Variants in TENM4 observed in about 807,000 individuals in gnomAD.
TENM4 encodes teneurin-4.
In TENM4, 82 loss-of-function variants were observed where a neutral mutation model predicts 243.3. That is an observed-to-expected ratio of 0.34 (90% CI 0.28 to 0.40). The LOEUF is 0.40. Among genes scored for constraint, TENM4 ranks in the 10% least tolerant of loss-of-function variants. The pLI, the probability that TENM4 is intolerant of heterozygous loss-of-function variation, is 1.00. For synonymous variants in TENM4, 1,412 were observed against 1,456.3 expected (o/e 0.97, Z 0.69); for missense variants, 3,138 against 3,673.3 (o/e 0.85, Z 3.77).
At chr11:79,249,349 A>G (rs1855571327) in intron 2 of TENM4, among the ~76,000 whole-genome samples, 1 of 152,206 alleles carries the variant, frequency 6.6e-6, no homozygotes, top group Non-Finnish European at 1.5e-5. Context: ...AGGTCCCTGT[A>G]ATTCCAAATC....
chr11:78,787,231 G>A lies in TENM4; in HGVS notation c.2180-148C>T, dbSNP rs1276068723. The A allele has an allele frequency of 3.2e-6, 3 of 938,276 alleles. No individual in the cohort carries two copies. In the African/African-American group the frequency reaches 5.0e-5, roughly 16 times the overall value. The allele number at this position is 938,276 out of a possible 1,614,324, so 58.1% of individuals were successfully genotyped here. On this transcript the variant is annotated intron_variant, in intron 15 of 33. Transcript: ENST00000278550. ...AAGTCACACTTGGCTACATACCTGG[G>A]CTTCTGTGACAGATCAGGATTCCAG...
At chr11:78,994,908 G>A (rs947068072) in intron 6 of TENM4, among the ~76,000 whole-genome samples, 6 of 152,108 alleles carry the variant, frequency 3.9e-5, no homozygotes, top group African/African-American at 1.4e-4. Context: ...AAAACACTGG[G>A]GTGTGCAAGA....
intron 4 of TENM4, among the ~76,000 whole-genome samples, chr11:79,073,736 T>A (rs1489839148): frequency 6.6e-6 from 1 of 152,168 alleles, no homozygotes; most frequent in East Asian, 1.9e-4. Flanking sequence ...CTGTAAAACC[T>A]CTTAGGGTTG....
intron 3 of TENM4, among the ~76,000 whole-genome samples, chr11:79,209,124 A>G (rs1034942404): frequency 5.9e-5 from 9 of 152,238 alleles, no homozygotes; most frequent in Admixed American, 2.0e-4. Flanking sequence ...TTGGAAATAA[A>G]CTAGCATTTG....
At chr11:78,735,950 C>CT (rs928368938) in intron 20 of TENM4, among the ~76,000 whole-genome samples, 1 of 146,650 alleles carries the variant, frequency 6.8e-6, no homozygotes, top group East Asian at 2.0e-4. Flanking sequence ...TTCTCTCTCT[C>CT]TTTTTTCTTT....
chr11:78,880,488 A>AAAAAGAG (rs1368857006), intron 9 of TENM4, among the ~76,000 whole-genome samples: 1 of 113,000 alleles, frequency 8.8e-6, no homozygotes, highest in African/African-American at 3.5e-5. Context: ...AAAAAAAAAA[A>AAAAAGAG]AGAAAGAAAA....
At chr11:78,839,219 C>T (rs905720247) in intron 12 of TENM4, among the ~76,000 whole-genome samples, 9 of 152,102 alleles carry the variant, frequency 5.9e-5, no homozygotes, top group African/African-American at 2.2e-4. Flanking sequence ...CTTTAGGATT[C>T]TGTTTGACAT....
intron 4 of TENM4, among the ~76,000 whole-genome samples, chr11:79,123,928 C>A (rs1861804191): frequency 6.6e-6 from 1 of 152,202 alleles, no homozygotes; most frequent in Non-Finnish European, 1.5e-5. Flanking sequence ...GTGTACAGGG[C>A]TTCTCAGATC....
Position 78,655,843 on chromosome 11 carries a change from C to T in TENM4, c.*2215G>A, listed in dbSNP as rs925974131. 2 of 152,204 alleles carry T rather than the reference C, an allele frequency of 1.3e-5. No homozygotes were observed. Among genetic ancestry groups the T allele is most frequent in the African/African-American group, 2.4e-5 (1 of 41,436 alleles). The allele number at this position is 152,204 out of a possible 1,614,324, so 9.4% of individuals were successfully genotyped here. Reference sequence around the variant, plus strand: ...CAAAACTTGTGTTCTTCAGGCCAAACTGTTTTCCATCTCATCCAAGAATGA... The same window carrying T: ...CAAAACTTGTGTTCTTCAGGCCAAATTGTTTTCCATCTCATCCAAGAATGA... On this transcript the variant is annotated 3_prime_UTR_variant, in exon 34 of 34. Transcript: ENST00000278550.
chr11:79,034,327 C>T (rs1172227550), intron 6 of TENM4, among the ~76,000 whole-genome samples: 1 of 152,186 alleles, frequency 6.6e-6, no homozygotes, highest in Non-Finnish European at 1.5e-5. Flanking sequence ...TTTCCTTTCC[C>T]ACTGCATGCT....
At chr11:78,783,359 TG>T (rs1440852250) in intron 16 of TENM4, among the ~76,000 whole-genome samples, 1 of 152,206 alleles carries the variant, frequency 6.6e-6, no homozygotes, top group Admixed American at 6.5e-5. Context: ...CTAGGAAAAC[TG>T]GGTTTCATAT....
intron 18 of TENM4, among the ~76,000 whole-genome samples, chr11:78,758,532 A>C (rs976150120): frequency 2.6e-5 from 4 of 152,152 alleles, no homozygotes; most frequent in Non-Finnish European, 5.9e-5. Context: ...ATAATGTGGG[A>C]GTAACAGTGA....
At chr11:79,321,365 G>C (rs1319837416) in intron 1 of TENM4, among the ~76,000 whole-genome samples, 1 of 152,114 alleles carries the variant, frequency 6.6e-6, no homozygotes, top group African/African-American at 2.4e-5. Context: ...TTCCCAAATT[G>C]CTGCTTAATG....
chr11:78,942,565 G>C (rs1856923222), intron 6 of TENM4, among the ~76,000 whole-genome samples: 1 of 152,186 alleles, frequency 6.6e-6, no homozygotes, highest in African/African-American at 2.4e-5. Context: ...CCAAGGGTTG[G>C]ACAAGTTTGC....
chr11:79,255,630 C>T (rs1855688987), intron 2 of TENM4, among the ~76,000 whole-genome samples: 1 of 152,164 alleles, frequency 6.6e-6, no homozygotes, highest in Non-Finnish European at 1.5e-5. Flanking sequence ...CATTGAATAG[C>T]TAAAGTTAGG....
Position 78,657,403 on chromosome 11 carries a change from G to A in TENM4, c.*655C>T. 1 of 392,166 alleles carries A rather than the reference G, an allele frequency of 2.5e-6. No homozygotes were observed. Among genetic ancestry groups the A allele is most frequent in the Non-Finnish European group, 4.5e-6 (1 of 222,684 alleles). The allele number at this position is 392,166 out of a possible 1,614,324, so 24.3% of individuals were successfully genotyped here. A position where few individuals can be genotyped will look rare whatever the true frequency, so the allele number is the denominator to read the frequency against. ...GTTTCATTCAGCATCAAAATAGAAA[G>A]CTTGAACAGGAGTTTGGGGCAGCTT... On this transcript the variant is annotated 3_prime_UTR_variant, in exon 34 of 34. Coordinates refer to ENST00000278550, the MANE Select transcript of TENM4 (RefSeq NM_001098816.3).
intron 3 of TENM4, among the ~76,000 whole-genome samples, chr11:79,192,091 T>TGG (rs1324316428): frequency 0.04 from 4,127 of 103,418 alleles, 235 homozygotes; most frequent in African/African-American, 0.14. Context: ...GGGAGGGAGG[T>TGG]GGGGGGGGGT....
intron 2 of TENM4, among the ~76,000 whole-genome samples, chr11:79,260,207 T>A (rs987622464): frequency 1.2e-4 from 19 of 152,162 alleles, no homozygotes; most frequent in African/African-American, 3.9e-4. Context: ...TTACTTAACA[T>A]CAGAGTTGTG....
chr11:79,179,203 A>T (rs1269783083), intron 3 of TENM4, among the ~76,000 whole-genome samples: 2 of 152,258 alleles, frequency 1.3e-5, no homozygotes, highest in Non-Finnish European at 2.9e-5. Flanking sequence ...AACGTTTGCA[A>T]GAGCTGCTGG....
Sources: allele counts gnomAD v4.1 joint callset (sites outside exome capture counted in the v4.1 genomes callset), GRCh38; gene constraint gnomAD v4.1.1; transcripts MANE v1.5; gene names NCBI Gene and HGNC (gene_info 2026-07-23, HGNC 2026-07-21).